Variants in FRY observed in about 807,000 individuals in gnomAD.
FRY encodes protein furry homolog.
In FRY, 128 loss-of-function variants were observed where a neutral mutation model predicts 348.4. The ratio of observed to expected loss-of-function variants is 0.37; its 90% confidence interval spans 0.32 to 0.43. FRY has a LOEUF of 0.43. Among genes scored for constraint, FRY ranks in the 20% least tolerant of loss-of-function variants. The pLI is 1.00. For missense variants in FRY, 2,736 were observed against 3,695.2 expected, an observed-to-expected ratio of 0.74 and a Z score of 6.73; for synonymous variants, 1,370 against 1,374.7, an observed-to-expected ratio of 1.00 and a Z score of 0.08.
chr13:32,184,796 C>G (rs1178515134), intron 25 of FRY, 105 bp downstream of exon 25: 3 of 978,406 alleles, frequency 3.1e-6, no homozygotes, highest in Non-Finnish European at 4.9e-6. Context: ...AATATAATAC[C>G]CTTAACTTAG....
chr13:32,159,375 C>G (rs1314690054), intron 16 of FRY, among the ~76,000 whole-genome samples: 1 of 152,134 alleles, frequency 6.6e-6, no homozygotes, highest in Non-Finnish European at 1.5e-5. Context: ...CTTTCCCAGG[C>G]CCTACGCAGG....
intron 49 of FRY, among the ~76,000 whole-genome samples, chr13:32,251,174 C>T (rs1443640973): frequency 6.6e-6 from 1 of 152,146 alleles, no homozygotes; most frequent in African/African-American, 2.4e-5. Flanking sequence ...AAATTCTCAA[C>T]TCACCAATCA....
intron 14 of FRY, among the ~76,000 whole-genome samples, chr13:32,154,930 T>A (rs1881019390): frequency 6.6e-6 from 1 of 152,176 alleles, no homozygotes; most frequent in Non-Finnish European, 1.5e-5. Context: ...ACATTTCTTC[T>A]TACACACCCA....
chr13:32,205,913 G>A (rs1198981516), intron 31 of FRY, among the ~76,000 whole-genome samples: 1 of 151,756 alleles, frequency 6.6e-6, no homozygotes, highest in African/African-American at 2.4e-5. Flanking sequence ...GACTGGAGGG[G>A]AGAAACCAGA....
intron 1 of FRY, among the ~76,000 whole-genome samples, chr13:32,035,033 CAT>C (rs1872439643): frequency 6.6e-6 from 1 of 152,168 alleles, no homozygotes; most frequent in African/African-American, 2.4e-5. Context: ...ATGGGTACCT[CAT>C]AGGAGTAAAT....
At chr13:32,137,853 A>T (rs1593656172) in intron 11 of FRY, among the ~76,000 whole-genome samples, 2 of 151,918 alleles carry the variant, frequency 1.3e-5, no homozygotes, top group South Asian at 4.1e-4. Context: ...ATGATGCTTT[A>T]ATTTGGTGAA....
At chr13:32,090,514 A>G (rs1050192478) in intron 2 of FRY, among the ~76,000 whole-genome samples, 1 of 152,140 alleles carries the variant, frequency 6.6e-6, no homozygotes, top group African/African-American at 2.4e-5. Context: ...TGATGGAGCC[A>G]TGTCCTGAAG....
chr13:32,294,399 TA>T lies in FRY; in HGVS notation c.8615del (p.Lys2872ArgfsTer4). On this transcript the variant is annotated frameshift_variant, in exon 60 of 61. Coordinates refer to ENST00000542859, the MANE Select transcript of FRY (RefSeq NM_023037.3). LOFTEE classifies it high-confidence loss of function. ...AATATGTCCAGGGAACTGAGTGACC[TA>T]AAGAAACACCTGAAGGAAGCCAGTG... ...LLNMSRELSD[L>X]KKHLKEASAV... is the part of the protein sequence containing the mutation. 6.2e-7 allele frequency: 1 copy of T among 1,613,934 alleles called. No homozygotes were observed. The highest frequency in any genetic ancestry group is 8.5e-7 in the Non-Finnish European group (1 of 1,179,846).
chr13:32,115,484 C>T (rs1407452313), intron 3 of FRY, among the ~76,000 whole-genome samples: 1 of 152,052 alleles, frequency 6.6e-6, no homozygotes, highest in African/African-American at 2.4e-5. Context: ...GGCTTATGTC[C>T]CTATTCAAAA....
chr13:32,294,483 C>T lies in FRY; in HGVS notation c.8696C>T (p.Thr2899Met), dbSNP rs750508483. The T allele has an allele frequency of 1.1e-5, 17 of 1,613,850 alleles. No homozygotes were observed. In the East Asian group the frequency reaches 2.9e-4, roughly 27 times the overall value. Residue 2899 changes from threonine (T) to methionine (M), a missense_variant, in exon 60 of 61, where the codon ACG becomes ATG. Around this residue, in one of 9 missense-constraint regions of FRY, gnomAD observed 157 missense variants for 215.2 expected, o/e 0.73. Transcript: ENST00000542859. Reference protein sequence around the residue: ...SDGAWSEPTFTSTEAAIQSML... With the variant: ...SDGAWSEPTFMSTEAAIQSML... Reference sequence around the variant, plus strand: ...GGCGCGTGGTCCGAGCCCACCTTCACGTCCACTGAAGCAGCCATCCAGTCC... The same window carrying T: ...GGCGCGTGGTCCGAGCCCACCTTCATGTCCACTGAAGCAGCCATCCAGTCC...
chr13:32,037,854 A>T (rs548504763), intron 1 of FRY, among the ~76,000 whole-genome samples: 12 of 152,256 alleles, frequency 7.9e-5, no homozygotes, highest in East Asian at 5.8e-4. Flanking sequence ...TAACTTCCAT[A>T]TTTCTGAGTC....
chr13:32,080,088 T>C (rs1875379564), intron 2 of FRY, among the ~76,000 whole-genome samples: 1 of 152,356 alleles, frequency 6.6e-6, no homozygotes, highest in African/African-American at 2.4e-5. Context: ...ACCTGAAAGT[T>C]ACAAACTTTG....
chr13:32,189,399 CAT>C (rs928309119), intron 28 of FRY, among the ~76,000 whole-genome samples: 16 of 151,850 alleles, frequency 1.1e-4, no homozygotes, highest in Admixed American at 2.0e-4. Flanking sequence ...TGAAGACTCT[CAT>C]ATTAAAGAGA....
intron 7 of FRY, among the ~76,000 whole-genome samples, chr13:32,128,731 T>A (rs1383693180): frequency 1.3e-5 from 2 of 152,238 alleles, no homozygotes; most frequent in Non-Finnish European, 2.9e-5. Context: ...AATGGTATAA[T>A]CGCTTAAAAT....
At chr13:32,148,174 GAC>G (rs1305006136) in intron 13 of FRY, among the ~76,000 whole-genome samples, 1 of 152,198 alleles carries the variant, frequency 6.6e-6, no homozygotes, top group African/African-American at 2.4e-5. Context: ...AAGAAACAGA[GAC>G]AGAGTTTAAG....
intron 59 of FRY, among the ~76,000 whole-genome samples, chr13:32,290,988 A>G (rs903244127): frequency 1.3e-5 from 2 of 152,154 alleles, no homozygotes; most frequent in African/African-American, 4.8e-5. Context: ...ATGGCTGCAT[A>G]CTGGACCAAG....
At chr13:32,289,546 A>G (rs1889229051) in intron 58 of FRY, 87 bp from the exon 59 acceptor site, 2 of 795,324 alleles carry the variant, frequency 2.5e-6, no homozygotes, top group Admixed American at 3.9e-5. Flanking sequence ...ATTTAAAAAA[A>G]AAGTTTGTCT....
At chr13:32,037,759 T>G (rs1346622609) in intron 1 of FRY, among the ~76,000 whole-genome samples, 2 of 152,226 alleles carry the variant, frequency 1.3e-5, no homozygotes. Context: ...TTTCAAAACA[T>G]TTTAATACCC....
At position 32,151,766 on chromosome 13, in the gene FRY, C is replaced by T. The variant is rs1020086415; in HGVS notation, c.1479+1932C>T. Among the ~76,000 whole-genome samples, 19 of 152,054 alleles carry T rather than the reference C, an allele frequency of 1.2e-4. 1 individual carries two copies. The highest frequency in any genetic ancestry group is 4.6e-4 in the African/African-American group (19 of 41,396). On this transcript the variant is annotated intron_variant, in intron 14 of 60. Coordinates refer to ENST00000542859, the MANE Select transcript of FRY (RefSeq NM_023037.3). The stretch of plus-strand genomic sequence containing the variant: ...CATCAATTTCTCTGTTTTTCCTTGA[C>T]CTAAAATAACCTGAAGTCGGAGGTC...
Sources: gnomAD v4.1 joint callset for allele counts (sites outside exome capture counted in the v4.1 genomes callset) on GRCh38, gnomAD v4.1.1 for gene constraint, gnomAD v4.1.1 regional missense constraint, MANE v1.5 for transcripts, NCBI Gene and HGNC (gene_info 2026-07-23, HGNC 2026-07-21) for gene names.